Variants in CNNM3 observed in about 807,000 individuals in gnomAD.
CNNM3 encodes the protein metal transporter CNNM3.
CNNM3 carries 47 observed loss-of-function variants against 57.1 expected under a neutral mutation model. That is an observed-to-expected ratio of 0.82 (90% CI 0.65 to 1.05). The LOEUF is 1.05. Among genes scored for constraint, CNNM3 ranks in the 50% least tolerant of loss-of-function variants. The pLI, the probability that CNNM3 is intolerant of heterozygous loss-of-function variation, is 0.00. For missense variants in CNNM3, 957 were observed against 973.7 expected (o/e 0.98, Z 0.23); for synonymous variants, 507 against 478.2 (o/e 1.06, Z -0.79).
chr2:96,816,631 G>C lies in CNNM3; in HGVS notation c.354G>C (p.Ala118=), dbSNP rs1170078200. The C allele has an allele frequency of 7.9e-6, 9 of 1,142,094 alleles. No homozygotes were observed. Among genetic ancestry groups the C allele is most frequent in the Admixed American group, 4.9e-5 (1 of 20,568 alleles). The allele number at this position is 1,142,094 out of a possible 1,614,324, so 70.7% of individuals were successfully genotyped here. A position where few individuals can be genotyped will look rare whatever the true frequency, so the allele number is the denominator to read the frequency against. The stretch of plus-strand genomic sequence containing the variant: ...TGCGCCCGCACTCGGCGCTGCTGGC[G>C]GTGCGCGTGGAGCCGGGTGGCGGGG... ...EAVRPHSALL[A]VRVEPGGGAA... The change falls in exon 1 of 8, where the codon GCG becomes GCC. Residue 118 remains alanine, a synonymous_variant. Transcript: ENST00000305510.
At chr2:96,819,790 A>G (rs984873783) in intron 1 of CNNM3, among the ~76,000 whole-genome samples, 1 of 152,176 alleles carries the variant, frequency 6.6e-6, no homozygotes, top group South Asian at 2.1e-4. Context: ...CCTGTTCAGA[A>G]CTAAAGGCAA....
chr2:96,820,830 T>C (rs2079393432), intron 1 of CNNM3, among the ~76,000 whole-genome samples: 1 of 152,150 alleles, frequency 6.6e-6, no homozygotes, highest in Admixed American at 6.5e-5. Flanking sequence ...TTCTGCTGTT[T>C]GGTTTTAAGA....
At chr2:96,827,297 T>C (rs1161620277) in intron 3 of CNNM3, among the ~76,000 whole-genome samples, 3 of 150,640 alleles carry the variant, frequency 2.0e-5, no homozygotes, top group Non-Finnish European at 4.4e-5. Flanking sequence ...AGATAGGGTC[T>C]CGCTCTGTCA....
rs2079316473 is a variant in CNNM3 at position 96,816,378 on chromosome 2, T to C, written c.101T>C (p.Leu34Pro). The change falls in exon 1 of 8, where the codon CTG becomes CCG. Residue 34 changes from leucine to proline, a missense_variant. Physicochemically the swap from Leu to Pro is moderately conservative, Grantham distance 98 (BLOSUM62 -3). This residue lies in a region of CNNM3 where 466 missense variants were observed against 403.1 expected (regional missense o/e 1.16). Transcript: ENST00000305510. ...GAGGCCGCGCCGGGCCCGCGAGTGC[T>C]GGGCTTCTGCCTGGAGGAGGATGGA... is the stretch of plus-strand genomic sequence containing the variant. ...AGEAAPGPRV[L>P]GFCLEEDGAA... The C allele has an allele frequency of 7.4e-7, 1 of 1,344,474 alleles. No homozygotes were observed. 83.3% of individuals were successfully genotyped at this position (1,344,474 alleles called of 1,614,324 possible). A position where few individuals can be genotyped will look rare whatever the true frequency, so the allele number is the denominator to read the frequency against.
chr2:96,828,980 C>T lies in CNNM3; in HGVS notation c.1921-16C>T, dbSNP rs202173651. On this transcript the variant is annotated splice_polypyrimidine_tract_variant and intron_variant, in intron 6 of 7. Coordinates refer to ENST00000305510, the MANE Select transcript of CNNM3 (RefSeq NM_017623.5). ...CGCTTCACCAATTGGGTCCCAGTAA[C>T]GCTGTCATCCTCCAGGTTACGCGAC... 1.0e-4 allele frequency: 168 copies of T among 1,612,516 alleles called. 1 individual carries two copies. The highest frequency in any genetic ancestry group is 1.3e-4 in the South Asian group (12 of 91,012).
Position 96,822,004 on chromosome 2 carries a change from TA to T in CNNM3, c.1226-3053del, listed in dbSNP as rs1467317871. On this transcript the variant is annotated intron_variant, in intron 1 of 7. Transcript: ENST00000305510. ...AAAAGAACATTATTATTATTATTAT[TA>T]TTTTTTTTTTTTTTTTGAGATGGAG... is the stretch of plus-strand genomic sequence containing the variant. 1.0e-4 allele frequency among the ~76,000 whole-genome samples: 15 copies of T among 149,560 alleles called. No individual in the cohort carries two copies. The South Asian group carries it at 1.3e-3, about 13-fold the overall frequency.
chr2:96,825,196 A>G lies in CNNM3; in HGVS notation c.1364A>G (p.Asp455Gly). The G allele has an allele frequency of 6.2e-7, 1 of 1,614,016 alleles. No homozygotes were observed. The highest frequency in any genetic ancestry group is 8.5e-7 in the Non-Finnish European group (1 of 1,179,974). Residue 455 changes from aspartate (D) to glycine (G), a missense_variant, in exon 2 of 8, where the codon GAC becomes GGC. This residue lies in a region of CNNM3 where 491 missense variants were observed against 570.6 expected (regional missense o/e 0.86). Coordinates refer to ENST00000305510, the MANE Select transcript of CNNM3 (RefSeq NM_017623.5). ...IRSEILDESEDYRDTVVKRKP... is the reference protein window; with the variant it reads ...IRSEILDESEGYRDTVVKRKP... ...TCCGAGATCCTGGACGAGTCTGAAG[A>G]CTACCGTGAGTCCAGACTCTTGGCA...
rs1045388076 is a variant in CNNM3, at chr2:96,833,409, C to T, written c.*793C>T. 12 of 212,524 alleles carry T rather than the reference C, an allele frequency of 5.6e-5. No homozygotes were observed. The highest frequency in any genetic ancestry group is 1.1e-4 in the Non-Finnish European group (11 of 103,930). 13.2% of individuals were successfully genotyped at this position (212,524 alleles called of 1,614,324 possible). On this transcript the variant is annotated 3_prime_UTR_variant, in exon 8 of 8. Coordinates refer to ENST00000305510, the MANE Select transcript of CNNM3 (RefSeq NM_017623.5). The stretch of plus-strand genomic sequence containing the variant: ...GTCATGCTGCATCGAATCCTCTCTC[C>T]GCCGTGTGGCCCCCAGGAGAGTAGC...
rs1170183806 is a variant in CNNM3 at position 96,817,395 on chromosome 2, C to G, written c.1118C>G (p.Pro373Arg). 6.2e-7 allele frequency: 1 copy of G among 1,614,024 alleles called. No homozygotes were observed. Among genetic ancestry groups the G allele is most frequent in the Non-Finnish European group, 8.5e-7 (1 of 1,180,032 alleles). The change falls in exon 1 of 8, where the codon CCC (proline) becomes CGC (arginine). Residue 373 changes from proline to arginine, a missense_variant. Transcript: ENST00000305510. ...LYLKDLAFVD[P>R]EDCTPLSTIT... is the part of the protein sequence containing the mutation. ...CTCAAGGACTTGGCCTTCGTGGATC[C>G]CGAAGACTGCACGCCGCTCAGCACC...
rs2079517176 is a variant in CNNM3, at chr2:96,826,957, G to A, written c.1494G>A (p.Leu498=). The stretch of plus-strand genomic sequence containing the variant: ...TAACAATCTCGCCTCAGCTGCTCTT[G>A]GCCACCCAGCGCTTCCTGTCCCGAG... The part of the protein sequence containing the change: ...YKVTISPQLL[L]ATQRFLSREV... Residue 498 remains leucine (L), a synonymous_variant, in exon 3 of 8, where the codon TTG becomes TTA. Coordinates refer to ENST00000305510, the MANE Select transcript of CNNM3 (RefSeq NM_017623.5). The A allele has an allele frequency of 6.2e-7, 1 of 1,614,040 alleles. No individual in the cohort carries two copies. Among genetic ancestry groups the A allele is most frequent in the East Asian group, 2.2e-5 (1 of 44,902 alleles).
In CNNM3 at chr2:96,828,689, C is replaced by T. The variant is rs2079552405; in HGVS notation, c.1909C>T (p.Gln637Ter). 6.2e-7 allele frequency: 1 copy of T among 1,614,184 alleles called. No homozygotes were observed. Among genetic ancestry groups the T allele is most frequent in the African/African-American group, 1.3e-5 (1 of 75,062 alleles). ...CACCGTGAGGGCGCTCTCTGATCTG[C>T]AGCTCATCAAGGTGACTGCCTGGGC... ...DYTVRALSDL[Q>*]LIKVTRLQYL... Residue 637 changes from glutamine to a stop codon, truncating the protein, a stop_gained, in exon 6 of 8, where the codon CAG becomes TAG. Transcript: ENST00000305510. LOFTEE classifies it high-confidence loss of function.
intron 1 of CNNM3, among the ~76,000 whole-genome samples, chr2:96,821,795 C>CAAACTATTTTA (rs1232673378): frequency 6.6e-6 from 1 of 152,118 alleles, no homozygotes; most frequent in Non-Finnish European, 1.5e-5. Flanking sequence ...TCATCTAACA[C>CAAACTATTTTA]AAAACTATTT....
intron 1 of CNNM3, among the ~76,000 whole-genome samples, chr2:96,822,447 C>T (rs1682304434): frequency 6.6e-6 from 1 of 152,078 alleles, no homozygotes; most frequent in African/African-American, 2.4e-5. Context: ...TAAGCTGGGG[C>T]CACAGGTGAA....
At position 96,828,094 on chromosome 2, in the gene CNNM3, C is replaced by T. The variant is rs772609359; in HGVS notation, c.1690-5C>T. The T allele has an allele frequency of 4.3e-5, 70 of 1,613,402 alleles. No homozygotes were observed. In the East Asian group the frequency reaches 8.9e-4, roughly 21 times the overall value. ...ATCTGTTTCTCTCCTTGCCACTCCTCCCAGGGCAGGGTTGAAGTGGAGATC... is the reference window on the plus strand; with the variant it reads ...ATCTGTTTCTCTCCTTGCCACTCCTTCCAGGGCAGGGTTGAAGTGGAGATC... On this transcript the variant is annotated splice_polypyrimidine_tract_variant and splice_region_variant and intron_variant, in intron 4 of 7. Transcript: ENST00000305510.
Position 96,833,122 on chromosome 2 carries a change from TGTC to T in CNNM3, c.*507_*509del. ...TTCAGATCGATGGCCTTGTCCATGT[TGTC>T]CTTTCTGGCTTCCCTGATGGTGTCA... On this transcript the variant is annotated 3_prime_UTR_variant, in exon 8 of 8. Transcript: ENST00000305510. The T allele has an allele frequency of 1.3e-6, 1 of 784,998 alleles. No homozygotes were observed. The highest frequency in any genetic ancestry group is 1.5e-5 in the South Asian group (1 of 64,632). The allele number at this position is 784,998 out of a possible 1,614,324, so 48.6% of individuals were successfully genotyped here.
At position 96,834,383 on chromosome 2, in the gene CNNM3, C is replaced by T. The variant is rs971784018; in HGVS notation, c.*1767C>T. Among the ~76,000 whole-genome samples the T allele has an allele frequency of 5.3e-5, 8 of 151,094 alleles. No individual in the cohort carries two copies. Among genetic ancestry groups the T allele is most frequent in the Non-Finnish European group, 1.0e-4 (7 of 67,858 alleles). On this transcript the variant is annotated 3_prime_UTR_variant, in exon 8 of 8. Coordinates refer to ENST00000305510, the MANE Select transcript of CNNM3 (RefSeq NM_017623.5). The stretch of plus-strand genomic sequence containing the variant: ...TTATTGAGACAAGATCTTGCTCTGT[C>T]GCCCAGACTGGAGTGCAGTGGTGTG...
intron 1 of CNNM3, 49 bp downstream of exon 1, chr2:96,817,551 C>T (rs757757846): frequency 6.5e-7 from 1 of 1,544,664 alleles, no homozygotes; most frequent in South Asian, 1.2e-5. Context: ...GTGCCCTCTC[C>T]CTGAAAAGGG....
chr2:96,816,445 C>G lies in CNNM3; in HGVS notation c.168C>G (p.Asp56Glu), dbSNP rs1402413852. 2 of 1,429,666 alleles carry G rather than the reference C, an allele frequency of 1.4e-6. No individual in the cohort carries two copies. The highest frequency in any genetic ancestry group is 2.3e-4 in the Middle Eastern group (1 of 4,282). 88.6% of individuals were successfully genotyped at this position (1,429,666 alleles called of 1,614,324 possible). A position where few individuals can be genotyped will look rare whatever the true frequency, so the allele number is the denominator to read the frequency against. ...AGWVRGGAARDTPDATFLLRL... is the reference protein window; with the variant it reads ...AGWVRGGAARETPDATFLLRL... ...GGGTACGCGGAGGGGCGGCGCGGGA[C>G]ACGCCGGACGCCACCTTCCTCCTGC... Residue 56 changes from aspartate to glutamate, a missense_variant, in exon 1 of 8, where the codon GAC (aspartate) becomes GAG (glutamate). Asp to Glu is a conservative substitution (Grantham distance 45, BLOSUM62 2). Coordinates refer to ENST00000305510, the MANE Select transcript of CNNM3 (RefSeq NM_017623.5).
chr2:96,817,245 A>G lies in CNNM3; in HGVS notation c.968A>G (p.Asp323Gly). 3 of 1,608,822 alleles carry G rather than the reference A, an allele frequency of 1.9e-6. No homozygotes were observed. Among genetic ancestry groups the G allele is most frequent in the Non-Finnish European group, 2.5e-6 (3 of 1,178,816 alleles). Residue 323 changes from aspartate (D) to glycine (G), a missense_variant, in exon 1 of 8, where the codon GAC becomes GGC. This residue lies in a region of CNNM3 where 491 missense variants were observed against 570.6 expected (regional missense o/e 0.86). Transcript: ENST00000305510. ...GAGGACGTGCTCACGCCCCTCGAAG[A>G]CTGCTTCATGCTGGACGCCAGCACC... ...TVEDVLTPLE[D>G]CFMLDASTVL...
Sources: gnomAD v4.1 joint callset for allele counts (sites outside exome capture counted in the v4.1 genomes callset) on GRCh38, gnomAD v4.1.1 for gene constraint, gnomAD v4.1.1 regional missense constraint, MANE v1.5 for transcripts, NCBI Gene and HGNC (gene_info 2026-07-23, HGNC 2026-07-21) for gene names.